The following PHRF1 variants were observed in gnomAD, a reference collection of about 807,000 sequenced individuals.
PHRF1 encodes the protein PHD and RING finger domain-containing protein 1.
PHRF1 carries 53 observed loss-of-function variants against 128.9 expected under a neutral mutation model. That is an observed-to-expected ratio of 0.41 (90% confidence interval 0.33 to 0.52). The LOEUF (loss-of-function observed/expected upper bound fraction) is 0.52. Among genes scored for constraint, PHRF1 ranks in the 20% least tolerant of loss-of-function variants. PHRF1 has a pLI of 0.21. For synonymous variants in PHRF1, 1,178 were observed against 980.6 expected (o/e 1.20, Z -3.76); for missense variants, 2,503 against 2,284.5 (o/e 1.10, Z -1.95).
At chr11:596,298 A>T (rs551039775) in intron 6 of PHRF1, among the ~76,000 whole-genome samples, 1 of 152,298 alleles carries the variant, frequency 6.6e-6, no homozygotes, top group South Asian at 2.1e-4. Context: ...CACTTCCCAA[A>T]CTACCTTCCC....
chr11:582,044 G>A lies in PHRF1; in HGVS notation c.177G>A (p.Glu59=). The A allele has an allele frequency of 6.2e-7, 1 of 1,605,026 alleles. No individual in the cohort carries two copies. Among genetic ancestry groups the A allele is most frequent in the East Asian group, 2.2e-5 (1 of 44,520 alleles). Residue 59 remains glutamate, a synonymous_variant, in exon 3 of 18, where the codon GAG becomes GAA. Transcript: ENST00000264555. ...EHGDGTDGED[E]GASEEEDLED... is the part of the protein sequence containing the mutation. The stretch of plus-strand genomic sequence containing the variant: ...GAGATGGCACAGACGGAGAAGACGA[G>A]GGGGCGTCTGAGGAGGAAGACCTGG...
chr11:577,021 C>G (rs1853899033), intron 1 of PHRF1, among the ~76,000 whole-genome samples: 2 of 152,204 alleles, frequency 1.3e-5, no homozygotes, highest in South Asian at 2.1e-4. Flanking sequence ...CCCTGCGAGT[C>G]CGCCCTGCCG....
rs774616350 is a variant in PHRF1 at position 597,051 on chromosome 11, C to G, written c.718+31C>G. ...GACACTGCTCCCGTCCCAAGGCGCA[C>G]ATGGGCCTTCTCACTGTCCACTCTG... On this transcript the variant is annotated intron_variant, in intron 7 of 17. Transcript: ENST00000264555. The surrounding 1 kb of genome is among the most constrained non-coding windows in gnomAD (Gnocchi z 6.5). 6.2e-7 allele frequency: 1 copy of G among 1,600,084 alleles called. No homozygotes were observed. The highest frequency in any genetic ancestry group is 8.6e-7 in the Non-Finnish European group (1 of 1,168,656).
At chr11:605,083 C>CTGT in intron 10 of PHRF1, 36 bp from the exon 11 acceptor site, 2 of 1,578,194 alleles carry the variant, frequency 1.3e-6, no homozygotes, top group Non-Finnish European at 1.7e-6. Flanking sequence ...CCATCCCCGT[C>CTGT]TCTCTGTTCA....
chr11:584,729 C>CTTT lies in PHRF1; in HGVS notation c.215-2507_215-2505dup, dbSNP rs869125196. 6.0e-3 allele frequency among the ~76,000 whole-genome samples: 540 copies of CTTT among 90,266 alleles called. 6 individuals carry two copies. The highest frequency in any genetic ancestry group is 0.014 in the African/African-American group (286 of 21,008). The allele number at this position is 90,266 out of a possible 152,430, so 59.2% of individuals were successfully genotyped here. On this transcript the variant is annotated intron_variant, in intron 3 of 17. Transcript: ENST00000264555. ...ACACTTCTTTTTATTTCTCCAGGAC[C>CTTT]TTTTTTTTTTTTTTTTTTTTTTTTT...
chr11:601,454 C>T, intron 9 of PHRF1, 120 bp from the exon 10 acceptor site: 1 of 1,382,870 alleles, frequency 7.2e-7, no homozygotes, highest in Non-Finnish European at 9.8e-7. Flanking sequence ...AAATTGCAAG[C>T]CGGTGCGTGT....
chr11:589,427 G>A (rs1589869604), intron 4 of PHRF1, among the ~76,000 whole-genome samples: 1 of 152,172 alleles, frequency 6.6e-6, no homozygotes, highest in East Asian at 1.9e-4. Context: ...AAGGCACCAA[G>A]AATTGCCAAG....
Position 593,894 on chromosome 11 carries a change from C to G in PHRF1, c.620+1220C>G, listed in dbSNP as rs577776743. ...GCCTAAATCCATGTTTTGTGAGTTT[C>G]CTGAGTGCTCTGCCCTGACGGTCCT... On this transcript the variant is annotated intron_variant, in intron 6 of 17. Transcript: ENST00000264555. Among the ~76,000 whole-genome samples, 5 of 152,278 alleles carry G rather than the reference C, an allele frequency of 3.3e-5. No homozygotes were observed. In the South Asian group the frequency reaches 6.2e-4, roughly 19 times the overall value.
In PHRF1 at chr11:609,162, G is replaced by C; in HGVS notation, c.3706G>C (p.Asp1236His). 6.2e-7 allele frequency: 1 copy of C among 1,606,128 alleles called. No individual in the cohort carries two copies. Among genetic ancestry groups the C allele is most frequent in the Admixed American group, 1.7e-5 (1 of 60,006 alleles). ...AHVSPEVATA[D>H]KAPLQAPPVL... ...TGTCTCGCCGGAGGTGGCTACGGCC[G>C]ACAAGGCCCCCCTGCAGGCTCCCCC... is the stretch of plus-strand genomic sequence containing the variant. Residue 1236 changes from aspartate (D) to histidine (H), a missense_variant, in exon 14 of 18, where the codon GAC becomes CAC. Physicochemically the swap from Asp to His is moderately conservative, Grantham distance 81. Coordinates refer to ENST00000264555, the MANE Select transcript of PHRF1 (RefSeq NM_001286581.2).
At chr11:589,356 G>A (rs1854784146) in intron 4 of PHRF1, among the ~76,000 whole-genome samples, 1 of 152,188 alleles carries the variant, frequency 6.6e-6, no homozygotes, top group African/African-American at 2.4e-5. Flanking sequence ...TGCTGATTCC[G>A]TCCTTCCCAG....
rs1334210799 is a variant in PHRF1, at chr11:608,112, A to G, written c.2656A>G (p.Ser886Gly). ...VRCVTSYTVE[S>G]IFGTEPEPPL... ...CTGCGTCACCTCCTACACGGTGGAG[A>G]GCATCTTTGGTACAGAGCCCGAACC... The change falls in exon 14 of 18, where the codon AGC becomes GGC. Residue 886 changes from serine to glycine, a missense_variant. By Grantham distance (56) the Ser-to-Gly change is moderately conservative. Transcript: ENST00000264555. 1 of 1,611,750 alleles carries G rather than the reference A, an allele frequency of 6.2e-7. No homozygotes were observed. Among genetic ancestry groups the G allele is most frequent in the Non-Finnish European group, 8.5e-7 (1 of 1,179,848 alleles).
intron 1 of PHRF1, among the ~76,000 whole-genome samples, chr11:580,556 C>T (rs1854143702): frequency 1.3e-5 from 2 of 152,254 alleles, no homozygotes; most frequent in African/African-American, 2.4e-5. Flanking sequence ...GGCATCCCAA[C>T]AGTGGCCAGC....
chr11:594,580 G>C (rs1554906257), intron 6 of PHRF1, among the ~76,000 whole-genome samples: 1 of 152,136 alleles, frequency 6.6e-6, no homozygotes, highest in Non-Finnish European at 1.5e-5. Context: ...TCCTGCCTCA[G>C]CCTCCTCAGT....
intron 1 of PHRF1, among the ~76,000 whole-genome samples, chr11:576,921 G>C (rs935501784): frequency 6.6e-6 from 1 of 151,060 alleles, no homozygotes; most frequent in African/African-American, 2.4e-5. Context: ...CCGAGACTGG[G>C]AGGCCCGTGG....
chr11:584,442 C>T (rs912954869), intron 3 of PHRF1, among the ~76,000 whole-genome samples: 1 of 152,132 alleles, frequency 6.6e-6, no homozygotes, highest in Non-Finnish European at 1.5e-5. Flanking sequence ...CAAGCAGCAG[C>T]TGGGGGACAG....
chr11:581,119 T>C (rs1258043706), intron 1 of PHRF1, among the ~76,000 whole-genome samples: 1 of 152,198 alleles, frequency 6.6e-6, no homozygotes, highest in Admixed American at 6.5e-5. Context: ...CAATTTTTTT[T>C]TTTTTTTTAG....
chr11:590,449 G>T (rs1445429735), intron 4 of PHRF1, among the ~76,000 whole-genome samples: 2 of 152,208 alleles, frequency 1.3e-5, no homozygotes, highest in African/African-American at 4.8e-5. Context: ...CCCCAGGGAA[G>T]ACGTACCTAA....
Position 612,155 on chromosome 11 carries a change from C to T in PHRF1, c.*378C>T, listed in dbSNP as rs1301904836. On this transcript the variant is annotated 3_prime_UTR_variant, in exon 18 of 18. Transcript: ENST00000264555. The stretch of plus-strand genomic sequence containing the variant: ...GCGTCCTTGATAAATCTCTAGGTGG[C>T]CTCCCGCCAACAGCTGCTGTGTACC... The T allele has an allele frequency of 9.4e-6, 3 of 319,304 alleles. No individual in the cohort carries two copies. Among genetic ancestry groups the T allele is most frequent in the African/African-American group, 6.4e-5 (3 of 46,856 alleles). The allele number at this position is 319,304 out of a possible 1,614,324, so 19.8% of individuals were successfully genotyped here.
At chr11:587,163 C>G (rs910010889) in intron 3 of PHRF1, 96 bp from the exon 4 acceptor site, 1 of 1,204,948 alleles carries the variant, frequency 8.3e-7, no homozygotes, top group African/African-American at 1.5e-5. Flanking sequence ...GCATTGCCGA[C>G]CTGGTGTCCT....
Sources: allele counts gnomAD v4.1 joint callset (sites outside exome capture counted in the v4.1 genomes callset), GRCh38; gene constraint gnomAD v4.1.1; non-coding constraint Gnocchi (gnomAD v3.1); transcripts MANE v1.5; gene names NCBI Gene and HGNC (gene_info 2026-07-23, HGNC 2026-07-21).